The following PDE3A variants were observed in gnomAD, a reference collection of about 807,000 sequenced individuals.
PDE3A encodes the protein cGMP-inhibited 3',5'-cyclic phosphodiesterase 3A.
PDE3A carries 43 observed loss-of-function variants against 98.3 expected under a neutral mutation model. The ratio of observed to expected loss-of-function variants is 0.44; its 90% CI spans 0.34 to 0.56. The LOEUF is 0.56. PDE3A is among the 20% of genes least tolerant of loss of function. The pLI, the probability that PDE3A is intolerant of heterozygous loss-of-function variation, is 0.01. For missense variants in PDE3A, 1,427 were observed against 1,440.7 expected, an observed-to-expected ratio of 0.99 and a Z score of 0.15; for synonymous variants, 663 against 567.9, an observed-to-expected ratio of 1.17 and a Z score of -2.38.
intron 10 of PDE3A, among the ~76,000 whole-genome samples, chr12:20,645,505 G>A (rs546836498): frequency 4.6e-5 from 7 of 152,002 alleles, no homozygotes; most frequent in Non-Finnish European, 8.8e-5. Flanking sequence ...ACTAGAGAAG[G>A]AAACAGTATC....
In PDE3A at chr12:20,386,132, AAT is replaced by A. The variant is rs1304722325; in HGVS notation, c.960+15896_960+15897del. The stretch of plus-strand genomic sequence containing the variant: ...ATATAAATATATATAAATATATATA[AAT>A]ATATATAAATATATATATAAATATA... On this transcript the variant is annotated intron_variant, in intron 1 of 15. Coordinates refer to ENST00000359062, the MANE Select transcript of PDE3A (RefSeq NM_000921.5). 2.8e-4 allele frequency among the ~76,000 whole-genome samples: 22 copies of A among 78,334 alleles called. No individual in the cohort carries two copies. The East Asian group carries it at 4.7e-3, about 17-fold the overall frequency. 51.4% of individuals were successfully genotyped at this position (78,334 alleles called of 152,430 possible). A position where few individuals can be genotyped will look rare whatever the true frequency, so the allele number is the denominator to read the frequency against.
At chr12:20,455,716 C>G (rs1945141690) in intron 1 of PDE3A, among the ~76,000 whole-genome samples, 1 of 152,150 alleles carries the variant, frequency 6.6e-6, no homozygotes, top group Non-Finnish European at 1.5e-5. Flanking sequence ...AGATAAACAT[C>G]ATATTAATTG....
Position 20,629,957 on chromosome 12 carries a change from C to T in PDE3A, c.1590C>T (p.Leu530=). Residue 530 remains leucine, a synonymous_variant, in exon 6 of 16, where the codon CTC becomes CTT. Coordinates refer to ENST00000359062, the MANE Select transcript of PDE3A (RefSeq NM_000921.5). ...SPLSSPCSSP[L]QGTPASSLVS... ...TTTCATCGCCCTGCTCCTCACCTCT[C>T]CAAGGGACTCCTGCCAGCAGCCTGG... 1 of 1,614,078 alleles carries T rather than the reference C, an allele frequency of 6.2e-7. No individual in the cohort carries two copies. Among genetic ancestry groups the T allele is most frequent in the Non-Finnish European group, 8.5e-7 (1 of 1,179,980 alleles).
chr12:20,393,002 T>C (rs186402824), intron 1 of PDE3A, among the ~76,000 whole-genome samples: 49 of 151,988 alleles, frequency 3.2e-4, no homozygotes, highest in South Asian at 1.2e-3. Flanking sequence ...ATGAAGACAT[T>C]TGGTTAATGG....
chr12:20,558,565 G>T (rs1256119618), intron 2 of PDE3A, among the ~76,000 whole-genome samples: 1 of 151,454 alleles, frequency 6.6e-6, no homozygotes, highest in East Asian at 1.9e-4. Context: ...CAAAAGATAA[G>T]AACAATAAGA....
rs191847322 is a variant in PDE3A at position 20,387,970 on chromosome 12, T to C, written c.960+17726T>C. ...ATGTGGGAGAATAATGGGTTATTTT[T>C]ACGTACTTTTATATCTTTTTTCTGT... On this transcript the variant is annotated intron_variant, in intron 1 of 15. Transcript: ENST00000359062. Among the ~76,000 whole-genome samples, 10 of 152,146 alleles carry C rather than the reference T, an allele frequency of 6.6e-5. No individual in the cohort carries two copies. The East Asian group carries it at 1.7e-3, about 27-fold the overall frequency.
chr12:20,524,332 A>G (rs1480434457), intron 1 of PDE3A, among the ~76,000 whole-genome samples: 1 of 152,192 alleles, frequency 6.6e-6, no homozygotes, highest in Non-Finnish European at 1.5e-5. Flanking sequence ...TCGTTTTTGA[A>G]TGAGAAAACC....
intron 1 of PDE3A, among the ~76,000 whole-genome samples, chr12:20,451,558 C>T (rs1293406511): frequency 6.6e-6 from 1 of 152,196 alleles, no homozygotes; most frequent in Non-Finnish European, 1.5e-5. Flanking sequence ...CTGCCCGCCT[C>T]AGCCTCCCAA....
Position 20,594,228 on chromosome 12 carries a change from G to A in PDE3A, c.1012-19215G>A, listed in dbSNP as rs375413468. Among the ~76,000 whole-genome samples the A allele has an allele frequency of 1.1e-4, 17 of 152,084 alleles. No individual in the cohort carries two copies. The East Asian group carries it at 2.5e-3, about 23-fold the overall frequency. On this transcript the variant is annotated intron_variant, in intron 2 of 15. Transcript: ENST00000359062. Reference sequence around the variant, plus strand: ...AATGCTAACAATGTTTTTAAGTTGCGAGGAAAAAGCGAGGAGGAAAAAGAG... The same window carrying A: ...AATGCTAACAATGTTTTTAAGTTGCAAGGAAAAAGCGAGGAGGAAAAAGAG...
intron 1 of PDE3A, among the ~76,000 whole-genome samples, chr12:20,460,056 G>T (rs1383467549): frequency 6.6e-6 from 1 of 152,164 alleles, no homozygotes; most frequent in African/African-American, 2.4e-5. Context: ...TCTCAGGCTG[G>T]ATACCATAGT....
Position 20,637,205 on chromosome 12 carries a change from A to G in PDE3A, c.2107A>G (p.Ile703Val), listed in dbSNP as rs1944534853. 4.3e-6 allele frequency: 7 copies of G among 1,609,474 alleles called. No individual in the cohort carries two copies. The East Asian group carries it at 1.3e-4, about 31-fold the overall frequency. The change falls in exon 9 of 16, where the codon ATA becomes GTA. Residue 703 changes from isoleucine to valine, a missense_variant. By Grantham distance (29) the Ile-to-Val change is conservative (BLOSUM62 3). This residue lies in a region of PDE3A where 273 missense variants were observed against 420.3 expected (regional missense o/e 0.65). Transcript: ENST00000359062. ...NFPIFDLVEN[I>V]GRKCGRILSQ... is the part of the protein sequence containing the mutation. ...TCCAATTTTTGATTTAGTGGAAAAT[A>G]TAGGAAGAAAATGTGGCCGTATTCT...
chr12:20,471,677 T>C (rs1342381536), intron 1 of PDE3A, among the ~76,000 whole-genome samples: 1 of 152,172 alleles, frequency 6.6e-6, no homozygotes, highest in Non-Finnish European at 1.5e-5. Flanking sequence ...AGAAAGTAAA[T>C]TGATTTTCTA....
intron 1 of PDE3A, among the ~76,000 whole-genome samples, chr12:20,523,429 A>G (rs1946464896): frequency 6.6e-6 from 1 of 152,214 alleles, no homozygotes. Context: ...CTCAGTTGTG[A>G]TCTTGTCTTC....
chr12:20,396,697 G>C (rs1341236020), intron 1 of PDE3A, among the ~76,000 whole-genome samples: 1 of 151,934 alleles, frequency 6.6e-6, no homozygotes, highest in Non-Finnish European at 1.5e-5. Context: ...TATAAATTTA[G>C]ATTTAGGAAT....
At chr12:20,626,172 C>T (rs1944259022) in intron 5 of PDE3A, among the ~76,000 whole-genome samples, 1 of 147,650 alleles carries the variant, frequency 6.8e-6, no homozygotes, top group East Asian at 1.9e-4. Context: ...ATCCCTATTC[C>T]TTAGACTGTC....
chr12:20,415,201 G>A (rs1329036073), intron 1 of PDE3A, among the ~76,000 whole-genome samples: 8 of 151,516 alleles, frequency 5.3e-5, no homozygotes, highest in Admixed American at 3.9e-4. Context: ...GCTTTCCCAC[G>A]CTCCTTTTTT....
chr12:20,421,586 T>G (rs1179612865), intron 1 of PDE3A, among the ~76,000 whole-genome samples: 1 of 149,334 alleles, frequency 6.7e-6, no homozygotes, highest in African/African-American at 2.5e-5. Context: ...CTCCTCAGAG[T>G]TTTATTGGTA....
chr12:20,546,428 C>A (rs952980778), intron 1 of PDE3A, among the ~76,000 whole-genome samples: 1 of 152,056 alleles, frequency 6.6e-6, no homozygotes, highest in South Asian at 2.1e-4. Context: ...TGAGACTGGC[C>A]TAAACTATCA....
chr12:20,515,699 A>ATGAT (rs1946306850), intron 1 of PDE3A, among the ~76,000 whole-genome samples: 1 of 141,042 alleles, frequency 7.1e-6, no homozygotes, highest in African/African-American at 2.6e-5. Context: ...CTCACACTGT[A>ATGAT]TTATTTATTT....
Sources: allele counts gnomAD v4.1 joint callset (sites outside exome capture counted in the v4.1 genomes callset), GRCh38; gene constraint gnomAD v4.1.1; regional missense constraint gnomAD v4.1.1; transcripts MANE v1.5; gene names NCBI Gene and HGNC (gene_info 2026-07-23, HGNC 2026-07-21).